BDP1: variants seen among roughly 807,000 people sequenced by gnomAD.
BDP1 encodes BDP1 general transcription factor IIIB subunit.
Under a neutral mutation model 266.6 loss-of-function variants are expected in BDP1, and 169 were observed. That is an observed-to-expected ratio of 0.63 (90% CI 0.56 to 0.72). The LOEUF is 0.72. Among genes scored for constraint, BDP1 ranks in the 30% least tolerant of loss-of-function variants. BDP1 has a pLI of 0.00. For missense variants in BDP1, 3,015 were observed against 3,053.8 expected, an observed-to-expected ratio of 0.99 and a Z score of 0.30; for synonymous variants, 1,090 against 1,022.4, an observed-to-expected ratio of 1.07 and a Z score of -1.26.
rs1383558498 is a variant in BDP1, at chr5:71,510,888, G to C, written c.3796G>C (p.Glu1266Gln). 6.2e-7 allele frequency: 1 copy of C among 1,613,788 alleles called. No homozygotes were observed. The highest frequency in any genetic ancestry group is 1.3e-5 in the African/African-American group (1 of 75,042). The change falls in exon 17 of 39, where the codon GAG becomes CAG. Residue 1266 changes from glutamate to glutamine, a missense_variant. Glu to Gln is a conservative substitution (Grantham distance 29). Transcript: ENST00000358731. ...TGGAAAAAGAGACATTCCCATCATGGAGAAAGTATCAGGAAAGATGGCTGT... is the reference window on the plus strand; with the variant it reads ...TGGAAAAAGAGACATTCCCATCATGCAGAAAGTATCAGGAAAGATGGCTGT... Reference protein sequence around the residue: ...ETGKRDIPIMEKVSGKMAVVE... With the variant: ...ETGKRDIPIMQKVSGKMAVVE...
intron 26 of BDP1, among the ~76,000 whole-genome samples, chr5:71,536,937 G>A (rs533247379): frequency 2.0e-5 from 3 of 152,058 alleles, no homozygotes; most frequent in African/African-American, 4.8e-5. Context: ...GACCAGCCTG[G>A]CCAACATGGT....
At chr5:71,552,538 C>G (rs1195832216) in intron 34 of BDP1, among the ~76,000 whole-genome samples, 1 of 152,272 alleles carries the variant, frequency 6.6e-6, no homozygotes, top group East Asian at 1.9e-4. Context: ...CCATTGAGCA[C>G]TGAGTGAACA....
At chr5:71,564,338 ATAAT>A (rs1246932149) in intron 38 of BDP1, among the ~76,000 whole-genome samples, 2 of 138,664 alleles carry the variant, frequency 1.4e-5, no homozygotes, top group African/African-American at 2.6e-5. Context: ...TATTATGCAA[ATAAT>A]TAAAGTATTT....
At chr5:71,542,605 C>T (rs1161990245) in intron 30 of BDP1, among the ~76,000 whole-genome samples, 1 of 152,110 alleles carries the variant, frequency 6.6e-6, no homozygotes, top group African/African-American at 2.4e-5. Context: ...GGTGCAGTGA[C>T]TCACACCTGT....
chr5:71,559,319 C>T (rs1248387595), intron 36 of BDP1, among the ~76,000 whole-genome samples: 1 of 152,184 alleles, frequency 6.6e-6, no homozygotes, highest in Non-Finnish European at 1.5e-5. Flanking sequence ...AAGCAAACCA[C>T]AATACAGTGA....
intron 13 of BDP1, among the ~76,000 whole-genome samples, chr5:71,497,717 T>C (rs537570071): frequency 2.5e-4 from 38 of 152,214 alleles, no homozygotes; most frequent in Non-Finnish European, 5.0e-4. Flanking sequence ...ATATATTAAA[T>C]TCTGCCCACA....
At chr5:71,488,319 G>T (rs1406294995) in intron 9 of BDP1, among the ~76,000 whole-genome samples, 1 of 151,796 alleles carries the variant, frequency 6.6e-6, no homozygotes, top group Non-Finnish European at 1.5e-5. Flanking sequence ...GTAGAGATGG[G>T]ATTTTATCAT....
At chr5:71,465,581 A>AAG (rs1207071313) in intron 4 of BDP1, among the ~76,000 whole-genome samples, 1 of 152,154 alleles carries the variant, frequency 6.6e-6, no homozygotes, top group African/African-American at 2.4e-5. Context: ...TTTATTTTAA[A>AAG]AGAGAGTAAA....
chr5:71,481,423 T>C (rs1762961374), intron 7 of BDP1, among the ~76,000 whole-genome samples: 1 of 140,096 alleles, frequency 7.1e-6, no homozygotes, highest in South Asian at 2.3e-4. Flanking sequence ...AAAGCCAGGC[T>C]TGGTGGCACA....
intron 22 of BDP1, among the ~76,000 whole-genome samples, chr5:71,519,859 T>C (rs552164171): frequency 6.6e-6 from 1 of 152,328 alleles, no homozygotes; most frequent in African/African-American, 2.4e-5. Flanking sequence ...CAAATGGTAG[T>C]TCTATTTTTA....
the BDP1 span, among the ~76,000 whole-genome samples, chr5:71,573,190 C>T: frequency 0.011 from 1,690 of 150,468 alleles, 14 homozygotes; most frequent in Non-Finnish European, 0.017. Flanking sequence ...ATCGTGCCAC[C>T]GCACTCCAGC....
intron 26 of BDP1, among the ~76,000 whole-genome samples, chr5:71,535,732 G>A (rs1766557458): frequency 6.6e-6 from 1 of 152,070 alleles, no homozygotes; most frequent in African/African-American, 2.4e-5. Flanking sequence ...GCCTTCTGGT[G>A]GTAGCCGGCA....
chr5:71,502,329 C>T (rs1214144211), intron 14 of BDP1, among the ~76,000 whole-genome samples: 1 of 151,772 alleles, frequency 6.6e-6, no homozygotes, highest in Non-Finnish European at 1.5e-5. Flanking sequence ...CGCCCACCAC[C>T]ACACCTGGCT....
intron 7 of BDP1, among the ~76,000 whole-genome samples, chr5:71,473,549 G>A (rs1435890003): frequency 2.0e-5 from 3 of 151,842 alleles, no homozygotes; most frequent in Non-Finnish European, 4.4e-5. Flanking sequence ...CTGGAATTAT[G>A]GGCGTGAGCC....
At chr5:71,464,944 C>T (rs1761813215) in intron 4 of BDP1, among the ~76,000 whole-genome samples, 1 of 151,922 alleles carries the variant, frequency 6.6e-6, no homozygotes, top group Admixed American at 6.6e-5. Context: ...GTCTCCATCT[C>T]TTGACCTCGT....
At chr5:71,523,315 T>A (rs745349615) in intron 24 of BDP1, among the ~76,000 whole-genome samples, 6 of 152,206 alleles carry the variant, frequency 3.9e-5, no homozygotes, top group Non-Finnish European at 7.3e-5. Context: ...TTATTGGTCC[T>A]GTGTCTTTTT....
chr5:71,555,613 A>C (rs931098623), intron 35 of BDP1, among the ~76,000 whole-genome samples: 2 of 151,710 alleles, frequency 1.3e-5, no homozygotes, highest in Non-Finnish European at 2.9e-5. Flanking sequence ...CTAATTTTGT[A>C]ATTTTAGTAG....
Position 71,562,335 on chromosome 5 carries a change from G to A in BDP1, c.7558G>A (p.Asp2520Asn), listed in dbSNP as rs1743728552. ...ATGCTCAAAGAATAGTTTGGAGTCT[G>A]ATGAACCTATGCAAGTCCATAGTAA... ...LICSKNSLES[D>N]EPMQVHSKKR... The change falls in exon 38 of 39, where the codon GAT becomes AAT. Residue 2520 changes from aspartate to asparagine, a missense_variant. Asp to Asn is a conservative substitution (Grantham distance 23). Around this residue, in one of 3 missense-constraint regions of BDP1, gnomAD observed 629 missense variants for 632.5 expected, o/e 0.99. Transcript: ENST00000358731. The A allele has an allele frequency of 1.2e-6, 2 of 1,612,946 alleles. No individual in the cohort carries two copies. The highest frequency in any genetic ancestry group is 8.5e-7 in the Non-Finnish European group (1 of 1,179,284).
chr5:71,519,183 A>AT (rs896434430), intron 22 of BDP1, among the ~76,000 whole-genome samples: 9 of 151,370 alleles, frequency 5.9e-5, no homozygotes, highest in African/African-American at 1.9e-4. Flanking sequence ...AAAGCCTTAA[A>AT]TTTTTTTTTG....
Sources: gnomAD v4.1 joint callset for allele counts (sites outside exome capture counted in the v4.1 genomes callset) on GRCh38, gnomAD v4.1.1 for gene constraint, gnomAD v4.1.1 regional missense constraint, MANE v1.5 for transcripts, NCBI Gene and HGNC (gene_info 2026-07-23, HGNC 2026-07-21) for gene names.